EIF3H: variants seen among roughly 807,000 people sequenced by gnomAD.
The protein encoded by EIF3H is eukaryotic translation initiation factor 3 subunit H, also known as eIF-3-gamma.
In EIF3H, 26 loss-of-function variants were observed where a neutral mutation model predicts 44.2. The ratio of observed to expected loss-of-function variants is 0.59; its 90% confidence interval spans 0.43 to 0.82. The LOEUF (loss-of-function observed/expected upper bound fraction) is 0.82. Among genes scored for constraint, EIF3H ranks in the 40% least tolerant of loss-of-function variants. EIF3H has a pLI of 0.00. For synonymous variants in EIF3H, 166 were observed against 151.9 expected, an observed-to-expected ratio of 1.09 and a Z score of -0.68; for missense variants, 359 against 432.8, an observed-to-expected ratio of 0.83 and a Z score of 1.51.
intron 1 of EIF3H, among the ~76,000 whole-genome samples, chr8:116,727,608 T>C (rs1814868091): frequency 6.6e-6 from 1 of 152,244 alleles, no homozygotes. Flanking sequence ...TTGACTGTCC[T>C]GAGTGTCAGC....
At chr8:116,702,110 A>G (rs772206091) in intron 2 of EIF3H, among the ~76,000 whole-genome samples, 3 of 152,150 alleles carry the variant, frequency 2.0e-5, no homozygotes, top group Non-Finnish European at 4.4e-5. Context: ...TACGTGTGTG[A>G]AGTCTGGGAA....
At chr8:116,729,852 C>T (rs1048029950) in intron 1 of EIF3H, among the ~76,000 whole-genome samples, 1 of 152,120 alleles carries the variant, frequency 6.6e-6, no homozygotes, top group African/African-American at 2.4e-5. Flanking sequence ...GAAGGCAAAA[C>T]CTAAGAACCA....
intron 2 of EIF3H, among the ~76,000 whole-genome samples, chr8:116,682,710 T>C (rs1045704138): frequency 1.3e-5 from 2 of 152,254 alleles, no homozygotes; most frequent in African/African-American, 4.8e-5. Context: ...CAGAGTAGTA[T>C]GTAGCTACTT....
At chr8:116,655,542 G>C (rs1339187029) in intron 5 of EIF3H, among the ~76,000 whole-genome samples, 1 of 152,014 alleles carries the variant, frequency 6.6e-6, no homozygotes, top group African/African-American at 2.4e-5. Context: ...AAATAAAGCT[G>C]AGCCATATAA....
intron 2 of EIF3H, chr8:116,689,072 C>T (rs753039549): frequency 2.3e-6 from 1 of 443,750 alleles, no homozygotes; most frequent in South Asian, 1.6e-5. Context: ...TACTTACATA[C>T]ATTTAATGGA....
intron 1 of EIF3H, among the ~76,000 whole-genome samples, chr8:116,747,747 C>CA (rs1309241249): frequency 6.6e-6 from 1 of 152,076 alleles, no homozygotes; most frequent in African/African-American, 2.4e-5. Flanking sequence ...AAGAGTATCA[C>CA]AAAAAATCTA....
intron 5 of EIF3H, among the ~76,000 whole-genome samples, chr8:116,652,599 GA>G (rs974409990): frequency 1.3e-5 from 2 of 152,114 alleles, no homozygotes; most frequent in Non-Finnish European, 2.9e-5. Flanking sequence ...GGTTCAGAAA[GA>G]AAAAGTGTTT....
chr8:116,674,360 A>G (rs1013430505), intron 2 of EIF3H, among the ~76,000 whole-genome samples: 2 of 151,618 alleles, frequency 1.3e-5, no homozygotes, highest in African/African-American at 2.4e-5. Flanking sequence ...AAGCAGATAA[A>G]GCTGTTCCCA....
chr8:116,746,488 G>A (rs1419619999), intron 1 of EIF3H, among the ~76,000 whole-genome samples: 1 of 152,070 alleles, frequency 6.6e-6, no homozygotes, highest in African/African-American at 2.4e-5. Flanking sequence ...ATAACTACTG[G>A]GGTCTTCAAG....
intron 2 of EIF3H, among the ~76,000 whole-genome samples, chr8:116,687,673 T>C (rs1282431065): frequency 6.6e-6 from 1 of 152,192 alleles, no homozygotes; most frequent in Non-Finnish European, 1.5e-5. Context: ...GCTGCTTTCA[T>C]TTCTGAAATA....
At position 116,752,727 on chromosome 8, in the gene EIF3H, AG is replaced by A. The variant is rs1563663019; in HGVS notation, c.132+2938del. On this transcript the variant is annotated intron_variant, in intron 1 of 7. Coordinates refer to ENST00000521861, the MANE Select transcript of EIF3H (RefSeq NM_003756.3). ...AAGAAAGAAAGAAAGAAAGAAAGAA[AG>A]AAAGAAGAGAAAGAAAGAAAGAAAG... 6.7e-5 allele frequency among the ~76,000 whole-genome samples: 8 copies of A among 118,848 alleles called. 1 individual carries two copies. In the East Asian group the frequency reaches 1.6e-3, roughly 24 times the overall value. The allele number at this position is 118,848 out of a possible 152,430, so 78.0% of individuals were successfully genotyped here. A position where few individuals can be genotyped will look rare whatever the true frequency, so the allele number is the denominator to read the frequency against.
chr8:116,762,249 T>G (rs1374585683), intron 1 of EIF3H, among the ~76,000 whole-genome samples: 2 of 152,212 alleles, frequency 1.3e-5, no homozygotes, highest in Non-Finnish European at 2.9e-5. Context: ...TGGCTACATA[T>G]AAAATAAACT....
chr8:116,650,818 T>C (rs1813376806), intron 5 of EIF3H, among the ~76,000 whole-genome samples: 2 of 152,182 alleles, frequency 1.3e-5, no homozygotes, highest in Admixed American at 6.5e-5. Flanking sequence ...GGCTGGATTT[T>C]TTGTATTTTC....
At chr8:116,678,535 T>C (rs2130832953) in intron 2 of EIF3H, among the ~76,000 whole-genome samples, 1 of 146,376 alleles carries the variant, frequency 6.8e-6, no homozygotes, top group South Asian at 2.3e-4. Flanking sequence ...CGCCATCCCA[T>C]CTAGGAAGCG....
chr8:116,647,252 C>A (rs1023530369), intron 6 of EIF3H, among the ~76,000 whole-genome samples: 35 of 152,094 alleles, frequency 2.3e-4, no homozygotes, highest in Non-Finnish European at 5.9e-5. Context: ...CAGGCGCCCA[C>A]CACCACACCC....
intron 2 of EIF3H, among the ~76,000 whole-genome samples, chr8:116,673,522 T>A (rs1158481019): frequency 6.6e-6 from 1 of 152,224 alleles, no homozygotes; most frequent in East Asian, 1.9e-4. Flanking sequence ...AAAACTGTGA[T>A]ATTTTTGCTC....
chr8:116,658,550 T>G, intron 3 of EIF3H: 3 of 335,840 alleles, frequency 8.9e-6, no homozygotes, highest in African/African-American at 2.2e-5. Flanking sequence ...GCCCCTTCAA[T>G]GAGGGAGGGG....
At chr8:116,692,188 C>A (rs778685267) in intron 2 of EIF3H, among the ~76,000 whole-genome samples, 39 of 152,274 alleles carry the variant, frequency 2.6e-4, no homozygotes, top group Middle Eastern at 3.4e-3. Flanking sequence ...TAGACAGATA[C>A]ACATGCAACT....
At chr8:116,686,972 G>A (rs1814088725) in intron 2 of EIF3H, among the ~76,000 whole-genome samples, 1 of 152,154 alleles carries the variant, frequency 6.6e-6, no homozygotes, top group Non-Finnish European at 1.5e-5. Flanking sequence ...AGGGCCACAG[G>A]CCAGGGAAAC....
Sources: gnomAD v4.1 joint callset for allele counts (sites outside exome capture counted in the v4.1 genomes callset) on GRCh38, gnomAD v4.1.1 for gene constraint, MANE v1.5 for transcripts, NCBI Gene and HGNC (gene_info 2026-07-23, HGNC 2026-07-21) for gene names.